ELF5: variants seen among roughly 807,000 people sequenced by gnomAD.
The protein encoded by ELF5 is ETS-related transcription factor Elf-5.
ELF5 carries 31 observed loss-of-function variants against 38.2 expected under a neutral mutation model. That is an observed-to-expected ratio of 0.81 (90% confidence interval 0.61 to 1.10). The LOEUF is 1.10. Ranked by LOEUF, ELF5 falls within the 50% of genes least tolerant of loss-of-function variation. The pLI is 0.00. For missense variants in ELF5, 300 were observed against 306.6 expected (o/e 0.98, Z 0.16); for synonymous variants, 121 against 112.5 (o/e 1.08, Z -0.48).
intron 2 of ELF5, among the ~76,000 whole-genome samples, chr11:34,495,758 C>T (rs1353884440): frequency 6.6e-6 from 1 of 152,236 alleles, no homozygotes; most frequent in Non-Finnish European, 1.5e-5. Flanking sequence ...TCAGGTCTTG[C>T]TCACTGGCCA....
chr11:34,512,463 G>A (rs938625397), intron 1 of ELF5, among the ~76,000 whole-genome samples: 4 of 152,118 alleles, frequency 2.6e-5, no homozygotes, highest in African/African-American at 9.7e-5. Context: ...TGCTGCGAAC[G>A]TGGGGCACAT....
At chr11:34,512,462 C>T (rs1850783818) in intron 1 of ELF5, among the ~76,000 whole-genome samples, 1 of 152,070 alleles carries the variant, frequency 6.6e-6, no homozygotes, top group Admixed American at 6.6e-5. Context: ...CTGCTGCGAA[C>T]GTGGGGCACA....
chr11:34,484,962 TAGAG>T (rs1364199251), intron 4 of ELF5, among the ~76,000 whole-genome samples: 2 of 152,168 alleles, frequency 1.3e-5, no homozygotes, highest in Non-Finnish European at 2.9e-5. Context: ...ATGAGCCCCA[TAGAG>T]AGCACCTGTG....
At chr11:34,487,314 T>G (rs1200117117) in intron 4 of ELF5, among the ~76,000 whole-genome samples, 1 of 152,094 alleles carries the variant, frequency 6.6e-6, no homozygotes, top group Admixed American at 6.5e-5. Context: ...GAAGAGCCCA[T>G]GGCACCAACC....
chr11:34,480,699 T>C (rs1229408699), intron 6 of ELF5, 73 bp downstream of exon 6: 2 of 1,510,074 alleles, frequency 1.3e-6, no homozygotes, highest in Non-Finnish European at 9.0e-7. Flanking sequence ...GCAAAAACAG[T>C]GTAATTTTCT....
intron 2 of ELF5, among the ~76,000 whole-genome samples, chr11:34,499,457 T>C (rs1850402084): frequency 6.6e-6 from 1 of 152,090 alleles, no homozygotes; most frequent in Admixed American, 6.5e-5. Flanking sequence ...TCAGGCTGGT[T>C]GGTCTTGAAC....
intron 1 of ELF5, among the ~76,000 whole-genome samples, chr11:34,509,018 C>G (rs1051273341): frequency 1.3e-5 from 2 of 152,176 alleles, no homozygotes; most frequent in South Asian, 2.1e-4. Context: ...CTCCAACCAC[C>G]ATCATCATCA....
chr11:34,493,126 C>T (rs1850218886), intron 3 of ELF5: 1 of 453,868 alleles, frequency 2.2e-6, no homozygotes, highest in Non-Finnish European at 3.9e-6. Flanking sequence ...TCCTCTTCTG[C>T]TTAATGAGAG....
At chr11:34,483,575 A>G (rs1430234203) in intron 4 of ELF5, among the ~76,000 whole-genome samples, 1 of 151,912 alleles carries the variant, frequency 6.6e-6, no homozygotes, top group African/African-American at 2.4e-5. Context: ...ACTGTACTAT[A>G]CTAACTATAC....
At chr11:34,508,351 A>G (rs1277741086) in intron 1 of ELF5, among the ~76,000 whole-genome samples, 1 of 152,068 alleles carries the variant, frequency 6.6e-6, no homozygotes, top group African/African-American at 2.4e-5. Context: ...AAAAATACAA[A>G]CATTAGCTGG....
chr11:34,491,297 A>G (rs969058380), intron 3 of ELF5, among the ~76,000 whole-genome samples: 3 of 152,188 alleles, frequency 2.0e-5, no homozygotes, highest in Non-Finnish European at 2.9e-5. Flanking sequence ...CACAATATAT[A>G]TATCTCCACA....
At chr11:34,485,100 A>G (rs1849952909) in intron 4 of ELF5, among the ~76,000 whole-genome samples, 1 of 152,202 alleles carries the variant, frequency 6.6e-6, no homozygotes, top group South Asian at 2.1e-4. Context: ...AGGGCTTCAC[A>G]TAGAGTATCT....
Position 34,512,543 on chromosome 11 carries a change from C to T in ELF5, c.-5+1134G>A, listed in dbSNP as rs138942666. On this transcript the variant is annotated intron_variant, in intron 1 of 6. Transcript: ENST00000257832. ...TAGATGTGGTATATAAATATTCATG[C>T]CCCTCTTCGAACTACGGTTTCCTCA... is the stretch of plus-strand genomic sequence containing the variant. Among the ~76,000 whole-genome samples the T allele has an allele frequency of 4.6e-5, 7 of 151,764 alleles. No homozygotes were observed. The East Asian group carries it at 1.4e-3, about 30-fold the overall frequency.
chr11:34,487,259 C>A (rs189722763), intron 4 of ELF5, among the ~76,000 whole-genome samples: 14 of 152,246 alleles, frequency 9.2e-5, no homozygotes, highest in African/African-American at 2.9e-4. Flanking sequence ...AACTTCTTAA[C>A]CCTGAGTTCA....
rs375299090 is a variant in ELF5, at chr11:34,493,492, G to A, written c.342C>T (p.Asn114=). 4.2e-5 allele frequency: 68 copies of A among 1,613,642 alleles called. No individual in the cohort carries two copies. The highest frequency in any genetic ancestry group is 5.7e-5 in the Non-Finnish European group (67 of 1,179,882). The change falls in exon 3 of 7, where the codon AAC becomes AAT. Residue 114 remains asparagine, a synonymous_variant. Transcript: ENST00000257832. ...CTGAACACTGACCTTGTGTGCGGAT[G>A]TTCTGGAGGATGAAGTACAGGTACT... The part of the protein sequence containing the change: ...CGEYLYFILQ[N]IRTQGYSFFN...
chr11:34,510,874 G>A lies in ELF5; in HGVS notation c.-5+2803C>T, dbSNP rs112233211. On this transcript the variant is annotated intron_variant, in intron 1 of 6. Transcript: ENST00000257832. ...TGTGATAGATCCACCTAGTGTCAGCGCCAGTACAGACAGGGATCTGCTGGG... is the reference window on the plus strand; with the variant it reads ...TGTGATAGATCCACCTAGTGTCAGCACCAGTACAGACAGGGATCTGCTGGG... Among the ~76,000 whole-genome samples, 8 of 152,240 alleles carry A rather than the reference G, an allele frequency of 5.3e-5. 1 individual carries two copies. Among genetic ancestry groups the A allele is most frequent in the African/African-American group, 1.7e-4 (7 of 41,550 alleles).
intron 2 of ELF5, among the ~76,000 whole-genome samples, chr11:34,496,379 C>CAGGCCTCCAG (rs1554942679): frequency 2.2e-5 from 3 of 139,420 alleles, no homozygotes; most frequent in African/African-American, 5.2e-5. Context: ...GGTGCCATGG[C>CAGGCCTCCAG]AGGCCTCTTT....
At chr11:34,502,755 G>A (rs747820696) in intron 2 of ELF5, among the ~76,000 whole-genome samples, 1 of 152,218 alleles carries the variant, frequency 6.6e-6, no homozygotes, top group Non-Finnish European at 1.5e-5. Context: ...ATTTTCACTG[G>A]CCGCATGACT....
At chr11:34,502,965 G>A (rs1850510011) in intron 2 of ELF5, among the ~76,000 whole-genome samples, 1 of 152,172 alleles carries the variant, frequency 6.6e-6, no homozygotes, top group Non-Finnish European at 1.5e-5. Context: ...TGGATTTAAG[G>A]AACTCTGGCA....
Sources: gnomAD v4.1 joint callset for allele counts (sites outside exome capture counted in the v4.1 genomes callset) on GRCh38, gnomAD v4.1.1 for gene constraint, MANE v1.5 for transcripts, NCBI Gene and HGNC (gene_info 2026-07-23, HGNC 2026-07-21) for gene names.